The following USP47 variants were observed in gnomAD, a reference collection of about 807,000 sequenced individuals.
USP47 encodes the protein ubiquitin carboxyl-terminal hydrolase 47.
In USP47, 35 loss-of-function variants were observed where a neutral mutation model predicts 165.1. The ratio of observed to expected loss-of-function variants is 0.21; its 90% confidence interval spans 0.16 to 0.28. USP47 has a LOEUF of 0.28. USP47 is among the 10% of genes least tolerant of loss of function. USP47 has a pLI of 1.00. For synonymous variants in USP47, 531 were observed against 544.5 expected (o/e 0.98, Z 0.35); for missense variants, 1,277 against 1,607.4 (o/e 0.79, Z 3.52).
chr11:11,942,232 T>C, intron 19 of USP47, 103 bp from the exon 20 acceptor site: 5 of 1,278,926 alleles, frequency 3.9e-6, no homozygotes, highest in Non-Finnish European at 5.4e-6. Context: ...ACACATGTTA[T>C]AACATAACTG....
At chr11:11,947,432 T>G (rs527459550) in intron 20 of USP47, among the ~76,000 whole-genome samples, 2 of 152,344 alleles carry the variant, frequency 1.3e-5, no homozygotes, top group South Asian at 4.1e-4. Flanking sequence ...CTAACAGTTT[T>G]TGAGGCAATC....
intron 4 of USP47, among the ~76,000 whole-genome samples, 173 bp downstream of exon 4, chr11:11,892,279 C>T (rs1012421026): frequency 9.2e-5 from 14 of 152,032 alleles, no homozygotes; most frequent in Middle Eastern, 6.4e-3. Context: ...TCCTTCAACC[C>T]ACTCGTTTCT....
At chr11:11,880,509 A>G (rs926227833) in intron 2 of USP47, 129 bp downstream of exon 2, 30 of 615,472 alleles carry the variant, frequency 4.9e-5, no homozygotes, top group Non-Finnish European at 5.9e-5. Flanking sequence ...GTAAGAGCCT[A>G]TGTGCAGCTC....
chr11:11,857,840 G>C (rs1849141046), intron 1 of USP47, among the ~76,000 whole-genome samples: 1 of 152,200 alleles, frequency 6.6e-6, no homozygotes, highest in South Asian at 2.1e-4. Context: ...GCCTCTGGTT[G>C]GTTGTTGGCA....
At chr11:11,878,176 C>G (rs1564861102) in intron 1 of USP47, among the ~76,000 whole-genome samples, 1 of 152,062 alleles carries the variant, frequency 6.6e-6, no homozygotes, top group Non-Finnish European at 1.5e-5. Flanking sequence ...AGGGAAAGAA[C>G]CAGGAACTGC....
intron 24 of USP47, chr11:11,952,231 A>AGAAAAGTGACAATTGAGTTGATGCTT (rs1319755180): frequency 6.6e-6 from 1 of 152,464 alleles, no homozygotes; most frequent in African/African-American, 2.4e-5. Flanking sequence ...TGTACACCAG[A>AGAAAAGTGACAATTGAGTTGATGCTT]GAAAAGTGAC....
chr11:11,842,272 G>A, intron 1 of USP47, 48 bp downstream of exon 1: 2 of 1,543,482 alleles, frequency 1.3e-6, no homozygotes, highest in South Asian at 2.4e-5. Flanking sequence ...GGCCGCTCGA[G>A]GCAACACAGG....
chr11:11,912,117 G>T (rs1853040419), intron 8 of USP47, among the ~76,000 whole-genome samples: 1 of 151,276 alleles, frequency 6.6e-6, no homozygotes, highest in Non-Finnish European at 1.5e-5. Context: ...TATACTAAAA[G>T]ACAGGAAAAG....
At chr11:11,873,584 TA>T (rs1447865796) in intron 1 of USP47, among the ~76,000 whole-genome samples, 2 of 152,158 alleles carry the variant, frequency 1.3e-5, no homozygotes, top group South Asian at 2.1e-4. Context: ...TTAAAATGGC[TA>T]TTTCCATATT....
chr11:11,852,907 G>A (rs1027836980), intron 1 of USP47, among the ~76,000 whole-genome samples: 2 of 152,122 alleles, frequency 1.3e-5, no homozygotes, highest in African/African-American at 4.8e-5. Flanking sequence ...TCACTTCTGT[G>A]CCCTTGCCCT....
At chr11:11,858,624 A>C (rs1472276799) in intron 1 of USP47, among the ~76,000 whole-genome samples, 1 of 151,978 alleles carries the variant, frequency 6.6e-6, no homozygotes, top group East Asian at 1.9e-4. Flanking sequence ...TTCTGTCCTC[A>C]TGTTTTTCCT....
intron 17 of USP47, among the ~76,000 whole-genome samples, chr11:11,937,419 G>A (rs923374995): frequency 1.1e-4 from 16 of 151,716 alleles, no homozygotes; most frequent in Admixed American, 7.2e-4. Flanking sequence ...TTAAATGAAG[G>A]CCTCTGTTTA....
intron 18 of USP47, 23 bp downstream of exon 18, chr11:11,938,395 AAAT>A: frequency 1.3e-6 from 2 of 1,597,434 alleles, no homozygotes; most frequent in African/African-American, 1.3e-5. Flanking sequence ...AGGGGTCTGT[AAAT>A]AAATTTTTGA....
chr11:11,913,476 A>T (rs1186105845), intron 8 of USP47, among the ~76,000 whole-genome samples: 1 of 151,782 alleles, frequency 6.6e-6, no homozygotes, highest in Non-Finnish European at 1.5e-5. Context: ...AAACTACAAA[A>T]CTTTGAAAAG....
chr11:11,936,525 A>G lies in USP47; in HGVS notation c.2077+15A>G. 5 of 1,548,442 alleles carry G rather than the reference A, an allele frequency of 3.2e-6. No individual in the cohort carries two copies. Among genetic ancestry groups the G allele is most frequent in the Non-Finnish European group, 4.4e-6 (5 of 1,141,420 alleles). On this transcript the variant is annotated intron_variant, in intron 17 of 27. Coordinates refer to ENST00000527733, the MANE Select transcript of USP47 (RefSeq NM_001282659.2). Reference sequence around the variant, plus strand: ...TAAACCTGGAGGTGAGCAATTTTACACTATTTTTAGTTGTTCTGTACTTAG... The same window carrying G: ...TAAACCTGGAGGTGAGCAATTTTACGCTATTTTTAGTTGTTCTGTACTTAG...
At chr11:11,947,246 A>T (rs1420336112) in intron 20 of USP47, among the ~76,000 whole-genome samples, 1 of 152,230 alleles carries the variant, frequency 6.6e-6, no homozygotes, top group Non-Finnish European at 1.5e-5. Context: ...CTCATCAAAG[A>T]TAATCCTATT....
chr11:11,955,275 C>T (rs1013690890), intron 27 of USP47, 111 bp downstream of exon 27: 38 of 1,317,250 alleles, frequency 2.9e-5, no homozygotes, highest in South Asian at 1.6e-4. Flanking sequence ...CGGCACTAAC[C>T]GGTAGAAATA....
chr11:11,853,373 C>G (rs1013082685), intron 1 of USP47, among the ~76,000 whole-genome samples: 4 of 152,170 alleles, frequency 2.6e-5, no homozygotes, highest in African/African-American at 9.7e-5. Context: ...AGGTTTATGA[C>G]ACAGATTTTC....
At chr11:11,952,523 G>T (rs1188405619) in intron 24 of USP47, 4 of 339,890 alleles carry the variant, frequency 1.2e-5, no homozygotes, top group Non-Finnish European at 2.1e-5. Flanking sequence ...TAGGAGTACT[G>T]GTTTGAAGAA....
Sources: allele counts gnomAD v4.1 joint callset (sites outside exome capture counted in the v4.1 genomes callset), GRCh38; gene constraint gnomAD v4.1.1; transcripts MANE v1.5; gene names NCBI Gene and HGNC (gene_info 2026-07-23, HGNC 2026-07-21).